Variants in FGF10 observed in about 807,000 individuals in gnomAD.
FGF10 encodes FGF-10.
A neutral mutation model predicts 19.8 loss-of-function variants in FGF10; 2 were observed. The observed-to-expected ratio is 0.10, with a 90% CI of 0.04 to 0.32. The LOEUF (loss-of-function observed/expected upper bound fraction) is 0.32, where lower values mean the gene tolerates loss of function less well. Among genes scored for constraint, FGF10 ranks in the 10% least tolerant of loss-of-function variants. FGF10 has a pLI of 1.00. For synonymous variants in FGF10, 112 were observed against 94.0 expected (o/e 1.19, Z -1.10); for missense variants, 191 against 246.3 (o/e 0.78, Z 1.50).
intron 1 of FGF10, among the ~76,000 whole-genome samples, chr5:44,335,310 T>A (rs17234254): frequency 0.011 from 1,600 of 152,162 alleles, 27 homozygotes; most frequent in African/African-American, 0.036. Flanking sequence ...CATGCCCAAG[T>A]AGACTGGAGA....
intron 1 of FGF10, among the ~76,000 whole-genome samples, chr5:44,366,697 C>T (rs949921971): frequency 3.9e-5 from 6 of 152,000 alleles, no homozygotes; most frequent in Middle Eastern, 3.4e-3. Context: ...GTACAAGGTT[C>T]GCCAAAAGCT....
chr5:44,370,090 C>A (rs755318999), intron 1 of FGF10, among the ~76,000 whole-genome samples: 1 of 152,092 alleles, frequency 6.6e-6, no homozygotes, highest in Non-Finnish European at 1.5e-5. Flanking sequence ...TTTGAGCAAG[C>A]ACACTAGTTC....
chr5:44,348,185 G>A (rs993083571), intron 1 of FGF10, among the ~76,000 whole-genome samples: 1 of 151,624 alleles, frequency 6.6e-6, no homozygotes, highest in Non-Finnish European at 1.5e-5. Context: ...TAAAAGAAAT[G>A]TCTCATATGT....
In FGF10 at chr5:44,313,707, G is replaced by A. The variant is rs555836269; in HGVS notation, c.326-3177C>T. ...TTTGTAAATTTATAGGCATATTCTT[G>A]TAGTGAAATTCTATTATTTATATTA... On this transcript the variant is annotated intron_variant, in intron 1 of 2. Transcript: ENST00000264664. 9.9e-4 allele frequency among the ~76,000 whole-genome samples: 150 copies of A among 151,322 alleles called. 3 individuals are homozygous for A. Among genetic ancestry groups the A allele is most frequent in the South Asian group, 6.7e-3 (32 of 4,800 alleles).
intron 2 of FGF10, among the ~76,000 whole-genome samples, chr5:44,306,186 A>T (rs969404195): frequency 8.5e-5 from 13 of 152,120 alleles, no homozygotes; most frequent in African/African-American, 2.7e-4. Context: ...TCACAAGGTC[A>T]GGAGTTCAAG....
In FGF10 at chr5:44,389,124, T is replaced by C. The variant is rs985013308; in HGVS notation, c.-442A>G. 2.9e-5 allele frequency: 8 copies of C among 280,028 alleles called. No homozygotes were observed. Among genetic ancestry groups the C allele is most frequent in the Non-Finnish European group, 5.6e-5 (8 of 141,714 alleles). The allele number at this position is 280,028 out of a possible 1,614,324, so 17.3% of individuals were successfully genotyped here. On this transcript the variant is annotated 5_prime_UTR_variant, in exon 1 of 3. Coordinates refer to ENST00000264664, the MANE Select transcript of FGF10 (RefSeq NM_004465.2). ...GTGGGGTGGGGAATAGGGGGAGATA[T>C]CTGCACCCCTCTGCGGTTGGCACCT... is the stretch of plus-strand genomic sequence containing the variant.
chr5:44,301,748 T>C lies in FGF10; in HGVS notation c.*3247A>G, dbSNP rs929494682. Among the ~76,000 whole-genome samples, 9 of 152,200 alleles carry C rather than the reference T, an allele frequency of 5.9e-5. No individual in the cohort carries two copies. Among genetic ancestry groups the C allele is most frequent in the Non-Finnish European group, 1.2e-4 (8 of 68,016 alleles). On this transcript the variant is annotated 3_prime_UTR_variant, in exon 3 of 3. Coordinates refer to ENST00000264664, the MANE Select transcript of FGF10 (RefSeq NM_004465.2). ...GTAATTTTTTTTTCTGTTGTTGTTG[T>C]TTGGGGCTGTGGGGCATTTAACCAC...
At chr5:44,365,183 T>C (rs1257022837) in intron 1 of FGF10, among the ~76,000 whole-genome samples, 1 of 151,728 alleles carries the variant, frequency 6.6e-6, no homozygotes, top group Non-Finnish European at 1.5e-5. Flanking sequence ...ACCTAAGACC[T>C]CCACTCAGAC....
chr5:44,349,453 T>TATATATATATATATATATCAGA (rs1741180116), intron 1 of FGF10, among the ~76,000 whole-genome samples: 27 of 23,070 alleles, frequency 1.2e-3, no homozygotes, highest in Non-Finnish European at 2.1e-3. Flanking sequence ...TATATATATA[T>TATATATATATATATATATCAGA]ATATATATAT....
chr5:44,361,531 A>G (rs898900674), intron 1 of FGF10, among the ~76,000 whole-genome samples: 2 of 151,592 alleles, frequency 1.3e-5, no homozygotes, highest in African/African-American at 4.8e-5. Context: ...ATGGGGAGTA[A>G]GAGTTCCACT....
At chr5:44,367,351 G>A (rs1741641738) in intron 1 of FGF10, among the ~76,000 whole-genome samples, 1 of 151,976 alleles carries the variant, frequency 6.6e-6, no homozygotes, top group Non-Finnish European at 1.5e-5. Flanking sequence ...ACTTTGTCAA[G>A]AAAGCACAGA....
chr5:44,384,951 C>A (rs1274325423), intron 1 of FGF10, among the ~76,000 whole-genome samples: 1 of 152,064 alleles, frequency 6.6e-6, no homozygotes, highest in Non-Finnish European at 1.5e-5. Context: ...GAGAAGCTCA[C>A]AGCTGTTTTA....
Position 44,360,572 on chromosome 5 carries a change from C to T in FGF10, c.325+27786G>A, listed in dbSNP as rs1741458282. On this transcript the variant is annotated intron_variant, in intron 1 of 2. Coordinates refer to ENST00000264664, the MANE Select transcript of FGF10 (RefSeq NM_004465.2). ...AGAATACCTCTTGTCTACCTCATGG[C>T]TTCTCATACCTACCTCTGTATTAAT... Among the ~76,000 whole-genome samples, 3 of 151,604 alleles carry T rather than the reference C, an allele frequency of 2.0e-5. No homozygotes were observed. The South Asian group carries it at 6.2e-4, about 31-fold the overall frequency.
intron 1 of FGF10, among the ~76,000 whole-genome samples, chr5:44,319,388 A>C (rs148952139): frequency 6.6e-6 from 1 of 152,320 alleles, no homozygotes; most frequent in East Asian, 1.9e-4. Flanking sequence ...TATAATATAG[A>C]GTATCTTTTC....
At chr5:44,348,867 A>G (rs1741150079) in intron 1 of FGF10, among the ~76,000 whole-genome samples, 1 of 151,432 alleles carries the variant, frequency 6.6e-6, no homozygotes, top group Non-Finnish European at 1.5e-5. Flanking sequence ...ATCACCTCTG[A>G]TTCTAAATTC....
chr5:44,316,638 G>A (rs780885181), intron 1 of FGF10, among the ~76,000 whole-genome samples: 6 of 152,144 alleles, frequency 3.9e-5, no homozygotes, highest in Non-Finnish European at 7.4e-5. Context: ...CGTGTGCATA[G>A]AAGCAGAACC....
intron 1 of FGF10, among the ~76,000 whole-genome samples, chr5:44,360,949 G>C (rs1741468078): frequency 6.6e-6 from 1 of 151,612 alleles, no homozygotes; most frequent in East Asian, 1.9e-4. Context: ...AGAAAGCATA[G>C]GTAAATTCTC....
intron 1 of FGF10, among the ~76,000 whole-genome samples, chr5:44,365,197 A>G (rs1741576844): frequency 6.6e-6 from 1 of 151,798 alleles, no homozygotes; most frequent in African/African-American, 2.4e-5. Context: ...CTCAGACTTT[A>G]TACCCCAAGA....
chr5:44,369,314 G>T (rs1362221966), intron 1 of FGF10, among the ~76,000 whole-genome samples: 2 of 152,080 alleles, frequency 1.3e-5, no homozygotes, highest in African/African-American at 4.8e-5. Context: ...GAGTTCAAAA[G>T]ATGGTTCCTG....
Sources: gnomAD v4.1 joint callset for allele counts (sites outside exome capture counted in the v4.1 genomes callset) on GRCh38, gnomAD v4.1.1 for gene constraint, MANE v1.5 for transcripts, NCBI Gene and HGNC (gene_info 2026-07-23, HGNC 2026-07-21) for gene names.